TRAK1: variants seen among roughly 807,000 people sequenced by gnomAD.
TRAK1 encodes the protein trafficking kinesin protein 1, also known as trafficking kinesin-binding protein 1.
In TRAK1, 33 loss-of-function variants were observed where a neutral mutation model predicts 92.1. The ratio of observed to expected loss-of-function variants is 0.36; its 90% CI spans 0.27 to 0.48. The LOEUF (loss-of-function observed/expected upper bound fraction) is 0.48. TRAK1 is among the 20% of genes least tolerant of loss of function. The probability of loss-of-function intolerance (pLI) is 0.99; values close to 1 mark genes in which losing one functional copy is unlikely to be tolerated. For missense variants in TRAK1, 1,123 were observed against 1,257.9 expected, an observed-to-expected ratio of 0.89 and a Z score of 1.62; for synonymous variants, 521 against 517.3, an observed-to-expected ratio of 1.01 and a Z score of -0.10.
intron 1 of TRAK1, among the ~76,000 whole-genome samples, chr3:42,072,584 C>G (rs1337274799): frequency 6.8e-6 from 1 of 146,878 alleles, no homozygotes; most frequent in African/African-American, 2.5e-5. Context: ...TTTTCTTCCT[C>G]ATTTTGGGAG....
At chr3:42,079,823 A>G (rs973236049) in intron 1 of TRAK1, among the ~76,000 whole-genome samples, 3 of 151,862 alleles carry the variant, frequency 2.0e-5, no homozygotes, top group African/African-American at 7.3e-5. Context: ...CCCTTGCAAA[A>G]TCAGTGATTT....
chr3:42,114,100 C>A (rs142419604), intron 1 of TRAK1, among the ~76,000 whole-genome samples: 1 of 152,116 alleles, frequency 6.6e-6, no homozygotes, highest in Non-Finnish European at 1.5e-5. Context: ...CTTTTGAGGC[C>A]GGCTTCTTTC....
At chr3:42,154,095 A>C (rs1576657293) in intron 2 of TRAK1, among the ~76,000 whole-genome samples, 1 of 152,260 alleles carries the variant, frequency 6.6e-6, no homozygotes, top group East Asian at 1.9e-4. Flanking sequence ...TTGGCAAGAA[A>C]GCCAAAGCAA....
At chr3:42,192,927 T>A in intron 7 of TRAK1, 148 bp from the exon 8 acceptor site, 1 of 1,102,356 alleles carries the variant, frequency 9.1e-7, no homozygotes, top group Admixed American at 2.7e-5. Flanking sequence ...AAATGGTCAT[T>A]ATGAGTTCCT....
chr3:42,090,166 G>A (rs987368897), upstream of TRAK1, among the ~76,000 whole-genome samples: 1 of 152,176 alleles, frequency 6.6e-6, no homozygotes, highest in South Asian at 2.1e-4. Context: ...CACCAAGGAG[G>A]GTGCCAGGCT....
At chr3:42,019,223 C>G (rs913810679) in intron 1 of TRAK1, among the ~76,000 whole-genome samples, 1 of 152,140 alleles carries the variant, frequency 6.6e-6, no homozygotes, top group Non-Finnish European at 1.5e-5. Flanking sequence ...TATGCATATA[C>G]AGAACCACGG....
intron 2 of TRAK1, among the ~76,000 whole-genome samples, chr3:42,169,358 A>G (rs1020058085): frequency 6.6e-5 from 10 of 152,070 alleles, no homozygotes; most frequent in Admixed American, 2.6e-4. Context: ...TCATTCACCA[A>G]TTGATGGACT....
At chr3:42,179,640 TGTCA>T (rs1202389487) in intron 3 of TRAK1, among the ~76,000 whole-genome samples, 1 of 152,152 alleles carries the variant, frequency 6.6e-6, no homozygotes, top group Non-Finnish European at 1.5e-5. Context: ...CTAGTGGGTG[TGTCA>T]GTCAGTGCAA....
At chr3:42,215,502 G>T (rs931914174) in intron 14 of TRAK1, among the ~76,000 whole-genome samples, 82 of 7,116 alleles carry the variant, frequency 0.012, no homozygotes, top group African/African-American at 0.045. Flanking sequence ...CACTGTTGGG[G>T]TGTGTGTGTG....
chr3:42,035,595 A>G (rs750406548), intron 1 of TRAK1, among the ~76,000 whole-genome samples: 1 of 152,184 alleles, frequency 6.6e-6, no homozygotes, highest in African/African-American at 2.4e-5. Context: ...TTTTTGCTCT[A>G]GCCCCTTCTG....
upstream of TRAK1, among the ~76,000 whole-genome samples, chr3:42,084,021 A>G (rs1704554060): frequency 2.6e-5 from 4 of 152,126 alleles, no homozygotes; most frequent in South Asian, 8.3e-4. Flanking sequence ...TTACTAGATT[A>G]TATCCAAGAG....
At chr3:42,204,688 A>G (rs1270244930) in intron 13 of TRAK1, among the ~76,000 whole-genome samples, 1 of 152,164 alleles carries the variant, frequency 6.6e-6, no homozygotes, top group Admixed American at 6.5e-5. Context: ...GGGCTCAAGC[A>G]ATCCTCCCGC....
At chr3:42,125,280 C>T in intron 1 of TRAK1, 140 bp from the exon 2 acceptor site, 1 of 706,608 alleles carries the variant, frequency 1.4e-6, no homozygotes. Context: ...TGGAAAAAGA[C>T]TCCTGATATA....
chr3:42,167,022 G>T (rs1433200026), intron 2 of TRAK1, among the ~76,000 whole-genome samples: 1 of 152,232 alleles, frequency 6.6e-6, no homozygotes, highest in Non-Finnish European at 1.5e-5. Context: ...TGCATTAAAA[G>T]GATGGCATCA....
Position 42,199,243 on chromosome 3 carries a change from C to G in TRAK1, c.1180C>G (p.Pro394Ala), listed in dbSNP as rs1267401110. ...KELQLEEAES[P>A]DITHQKRVFE... Reference sequence around the variant, plus strand: ...GCTGCAGTTGGAAGAGGCCGAGTCTCCAGACATCACGTACGGCCACAGTTT... The same window carrying G: ...GCTGCAGTTGGAAGAGGCCGAGTCTGCAGACATCACGTACGGCCACAGTTT... Residue 394 changes from proline to alanine, a missense_variant, in exon 11 of 16, where the codon CCA becomes GCA. Coordinates refer to ENST00000327628, the MANE Select transcript of TRAK1 (RefSeq NM_001042646.3). 2 of 1,614,020 alleles carry G rather than the reference C, an allele frequency of 1.2e-6. No individual in the cohort carries two copies. Among genetic ancestry groups the G allele is most frequent in the South Asian group, 1.1e-5 (1 of 91,072 alleles).
intron 2 of TRAK1, among the ~76,000 whole-genome samples, chr3:42,155,870 G>C (rs569340908): frequency 2.0e-5 from 3 of 152,192 alleles, no homozygotes; most frequent in South Asian, 4.2e-4. Context: ...GTAGAGCTTT[G>C]GGAAGATGAC....
At chr3:42,127,400 TG>T (rs753968112) in intron 2 of TRAK1, among the ~76,000 whole-genome samples, 2 of 151,014 alleles carry the variant, frequency 1.3e-5, no homozygotes, top group East Asian at 2.0e-4. Flanking sequence ...TTGCCCAGGC[TG>T]GGGTGCAGTG....
intron 1 of TRAK1, among the ~76,000 whole-genome samples, chr3:42,099,124 A>C (rs1241796608): frequency 6.6e-6 from 1 of 151,668 alleles, no homozygotes; most frequent in African/African-American, 2.4e-5. Context: ...ATGTGATAGG[A>C]GGGCCGTGGA....
At chr3:42,062,454 A>G (rs1361949816) in intron 1 of TRAK1, among the ~76,000 whole-genome samples, 1 of 152,114 alleles carries the variant, frequency 6.6e-6, no homozygotes, top group Non-Finnish European at 1.5e-5. Flanking sequence ...TGTCTTGGAG[A>G]CTATTTTTTA....
Sources: gnomAD v4.1 joint callset for allele counts (sites outside exome capture counted in the v4.1 genomes callset) on GRCh38, gnomAD v4.1.1 for gene constraint, MANE v1.5 for transcripts, NCBI Gene and HGNC (gene_info 2026-07-23, HGNC 2026-07-21) for gene names.